Variants in ELP4 observed in about 807,000 individuals in gnomAD.
The protein encoded by ELP4 is elongator complex protein 4.
ELP4 carries 51 observed loss-of-function variants against 48.9 expected under a neutral mutation model. The ratio of observed to expected loss-of-function variants is 1.04; its 90% CI spans 0.83 to 1.32. ELP4 has a LOEUF of 1.32. ELP4 is among the 40% of genes most tolerant of loss of function. The pLI is 0.00. For missense variants in ELP4, 519 were observed against 514.6 expected (o/e 1.01, Z -0.08); for synonymous variants, 210 against 189.2 (o/e 1.11, Z -0.90).
intron 3 of ELP4, among the ~76,000 whole-genome samples, chr11:31,550,046 TAGTG>T (rs1022657466): frequency 1.3e-5 from 2 of 152,040 alleles, no homozygotes; most frequent in African/African-American, 4.8e-5. Context: ...GATGACGAGT[TAGTG>T]GGTGCAGCGC....
At chr11:31,677,114 T>C (rs946221089) in intron 9 of ELP4, among the ~76,000 whole-genome samples, 9 of 152,222 alleles carry the variant, frequency 5.9e-5, no homozygotes, top group Non-Finnish European at 1.3e-4. Context: ...GCAATCATTG[T>C]CAAATTGATG....
chr11:31,595,618 G>A (rs1592145674), intron 4 of ELP4, among the ~76,000 whole-genome samples: 1 of 152,152 alleles, frequency 6.6e-6, no homozygotes, highest in South Asian at 2.1e-4. Context: ...ATATGTGTAT[G>A]ATACCTTTAA....
chr11:31,788,709 G>A lies in ELP4; in HGVS notation c.*5185G>A, dbSNP rs1228932364. On this transcript the variant is annotated 3_prime_UTR_variant, in exon 10 of 10. Coordinates refer to ENST00000640961, the MANE Select transcript of ELP4 (RefSeq NM_019040.5). The stretch of plus-strand genomic sequence containing the variant: ...GCTAACTGGGAAATGTTACCATTTT[G>A]TATATATGTTGTGGGTATAAATGGG... 4 of 211,378 alleles carry A rather than the reference G, an allele frequency of 1.9e-5. No homozygotes were observed. The highest frequency in any genetic ancestry group is 9.1e-5 in the African/African-American group (4 of 44,026). The allele number at this position is 211,378 out of a possible 1,614,324, so 13.1% of individuals were successfully genotyped here. A position where few individuals can be genotyped will look rare whatever the true frequency, so the allele number is the denominator to read the frequency against.
chr11:31,524,933 A>G (rs1473175784), intron 2 of ELP4, among the ~76,000 whole-genome samples: 2 of 152,190 alleles, frequency 1.3e-5, no homozygotes, highest in African/African-American at 4.8e-5. Flanking sequence ...TGCAGTGATC[A>G]TGCCACTGGA....
chr11:31,705,652 A>G (rs900311162), intron 9 of ELP4, among the ~76,000 whole-genome samples: 5 of 152,182 alleles, frequency 3.3e-5, no homozygotes, highest in Admixed American at 1.3e-4. Context: ...AAATGATAAT[A>G]ATGGTTATGT....
At chr11:31,655,025 A>C (rs974460506) in intron 9 of ELP4, among the ~76,000 whole-genome samples, 2 of 152,064 alleles carry the variant, frequency 1.3e-5, no homozygotes, top group Non-Finnish European at 2.9e-5. Context: ...AAAGAAAATC[A>C]AAGTTGAACA....
intron 3 of ELP4, among the ~76,000 whole-genome samples, chr11:31,585,567 A>G (rs998488278): frequency 2.6e-5 from 4 of 152,226 alleles, no homozygotes; most frequent in African/African-American, 9.6e-5. Flanking sequence ...TCTGAAAGAA[A>G]ACGTAACCCA....
At chr11:31,553,506 A>C (rs925314297) in intron 3 of ELP4, among the ~76,000 whole-genome samples, 2 of 152,068 alleles carry the variant, frequency 1.3e-5, no homozygotes, top group East Asian at 3.9e-4. Flanking sequence ...TATGACTCCT[A>C]CTGAAACATC....
intron 3 of ELP4, among the ~76,000 whole-genome samples, chr11:31,557,619 A>G (rs1309207192): frequency 6.6e-6 from 1 of 152,034 alleles, no homozygotes; most frequent in African/African-American, 2.4e-5. Flanking sequence ...CTCAGGTGCA[A>G]CTATTGTTTT....
chr11:31,596,484 T>C (rs971611325), intron 4 of ELP4, among the ~76,000 whole-genome samples: 2 of 152,144 alleles, frequency 1.3e-5, no homozygotes. Flanking sequence ...ACACAGAAAA[T>C]TTTCTGTGAG....
At chr11:31,578,050 C>T (rs761607119) in intron 3 of ELP4, among the ~76,000 whole-genome samples, 9 of 151,738 alleles carry the variant, frequency 5.9e-5, no homozygotes, top group East Asian at 1.9e-4. Context: ...AAAACCCCAT[C>T]GTCTCAGCCC....
At chr11:31,574,954 A>G (rs1192162483) in intron 3 of ELP4, among the ~76,000 whole-genome samples, 2 of 152,238 alleles carry the variant, frequency 1.3e-5, no homozygotes, top group African/African-American at 4.8e-5. Context: ...AAGTTGAGAG[A>G]AGAAGGCTTC....
At chr11:31,704,983 C>T (rs1017673863) in intron 9 of ELP4, among the ~76,000 whole-genome samples, 1 of 150,972 alleles carries the variant, frequency 6.6e-6, no homozygotes, top group South Asian at 2.1e-4. Flanking sequence ...TGCACGCCAA[C>T]CTGGGAACAG....
intron 9 of ELP4, chr11:31,662,847 G>A: frequency 3.3e-6 from 1 of 304,924 alleles, no homozygotes; most frequent in African/African-American, 2.1e-5. Context: ...TTTCATAAAA[G>A]GTTAAAATTG....
At chr11:31,591,951 T>C (rs578194127) in intron 3 of ELP4, among the ~76,000 whole-genome samples, 5 of 152,282 alleles carry the variant, frequency 3.3e-5, no homozygotes, top group African/African-American at 1.2e-4. Flanking sequence ...TGGTGCAACA[T>C]AGAGGAACAT....
At position 31,627,170 on chromosome 11, in the gene ELP4, A is replaced by G; in HGVS notation, c.714A>G (p.Glu238=). 6.3e-7 allele frequency: 1 copy of G among 1,580,704 alleles called. No homozygotes were observed. Among genetic ancestry groups the G allele is most frequent in the East Asian group, 2.3e-5 (1 of 42,842 alleles). ...LQFIQNIIYE[E]GFDGSNPQKK... ...TTATCCAGAACATCATTTATGAGGA[A>G]GGATTTGATGGATCCAATCCTCAGG... is the stretch of plus-strand genomic sequence containing the variant. Residue 238 remains glutamate (E), a synonymous_variant, in exon 6 of 10, where the codon GAA becomes GAG. Transcript: ENST00000640961.
intron 4 of ELP4, among the ~76,000 whole-genome samples, chr11:31,597,952 C>T (rs1250545006): frequency 6.2e-5 from 6 of 96,294 alleles, no homozygotes; most frequent in South Asian, 8.0e-4. Flanking sequence ...AGCCTTTTCT[C>T]TTTTTTTTTT....
intron 9 of ELP4, among the ~76,000 whole-genome samples, chr11:31,778,044 A>G (rs1261323363): frequency 6.6e-6 from 1 of 152,150 alleles, no homozygotes; most frequent in South Asian, 2.1e-4. Flanking sequence ...TTTCCTCCCC[A>G]TTATATAAAG....
Position 31,629,957 on chromosome 11 carries a change from A to G in ELP4, c.739-2260A>G, listed in dbSNP as rs1262849222. 2.0e-5 allele frequency among the ~76,000 whole-genome samples: 3 copies of G among 152,086 alleles called. No individual in the cohort carries two copies. In the East Asian group the frequency reaches 5.8e-4, roughly 29 times the overall value. Reference sequence around the variant, plus strand: ...GAATAACCCATCATATTTTACAGATATCTTACACTAATTCACCAGAAATGT... The same window carrying G: ...GAATAACCCATCATATTTTACAGATGTCTTACACTAATTCACCAGAAATGT... On this transcript the variant is annotated intron_variant, in intron 6 of 9. Coordinates refer to ENST00000640961, the MANE Select transcript of ELP4 (RefSeq NM_019040.5).
Sources: allele counts gnomAD v4.1 joint callset (sites outside exome capture counted in the v4.1 genomes callset), GRCh38; gene constraint gnomAD v4.1.1; transcripts MANE v1.5; gene names NCBI Gene and HGNC (gene_info 2026-07-23, HGNC 2026-07-21).